Variants in FBXL17 observed in about 807,000 individuals in gnomAD.
The protein encoded by FBXL17 is F-box and leucine rich repeat protein 17.
In FBXL17, 22 loss-of-function variants were observed where a neutral mutation model predicts 66.2. The observed-to-expected ratio is 0.33, with a 90% CI of 0.24 to 0.47. The LOEUF is 0.47. Ranked by LOEUF, FBXL17 falls within the 20% of genes least tolerant of loss-of-function variation. The pLI is 1.00. For missense variants in FBXL17, 878 were observed against 948.2 expected, an observed-to-expected ratio of 0.93 and a Z score of 0.97; for synonymous variants, 474 against 400.5, an observed-to-expected ratio of 1.18 and a Z score of -2.19.
At position 108,381,882 on chromosome 5, in the gene FBXL17, C is replaced by T. The variant is rs1327413307; in HGVS notation, c.-191G>A. The T allele has an allele frequency of 3.1e-6, 4 of 1,289,082 alleles. No individual in the cohort carries two copies. Among genetic ancestry groups the T allele is most frequent in the Non-Finnish European group, 3.9e-6 (4 of 1,018,664 alleles). The allele number at this position is 1,289,082 out of a possible 1,614,324, so 79.9% of individuals were successfully genotyped here. A position where few individuals can be genotyped will look rare whatever the true frequency, so the allele number is the denominator to read the frequency against. ...GTCAGCTGCGGGCCGCCGGAGTGCC[C>T]GACGGGGGCTACATGCTTTGCCCAG... On this transcript the variant is annotated 5_prime_UTR_variant, in exon 1 of 9. Transcript: ENST00000542267.
intron 6 of FBXL17, among the ~76,000 whole-genome samples, chr5:108,128,544 T>C (rs1165626359): frequency 6.6e-6 from 1 of 152,136 alleles, no homozygotes; most frequent in Non-Finnish European, 1.5e-5. Context: ...TTATTATAAC[T>C]TGTCCTGGGG....
chr5:108,223,987 T>C, intron 5 of FBXL17, 134 bp downstream of exon 5: 1 of 374,586 alleles, frequency 2.7e-6, no homozygotes, highest in Non-Finnish European at 4.9e-6. Context: ...CTTCAACTCA[T>C]TTTAACTTTT....
At chr5:108,105,082 C>G (rs536090752) in intron 6 of FBXL17, among the ~76,000 whole-genome samples, 10 of 152,284 alleles carry the variant, frequency 6.6e-5, no homozygotes, top group Admixed American at 3.9e-4. Flanking sequence ...ACCTTGTGAT[C>G]CGCCCGCCTC....
At chr5:108,136,900 A>G (rs967015727) in intron 6 of FBXL17, among the ~76,000 whole-genome samples, 1 of 152,170 alleles carries the variant, frequency 6.6e-6, no homozygotes, top group Non-Finnish European at 1.5e-5. Flanking sequence ...TTGAAACCAG[A>G]TTTTAACTTA....
chr5:108,290,259 G>A (rs1580753721), intron 4 of FBXL17, among the ~76,000 whole-genome samples: 1 of 152,224 alleles, frequency 6.6e-6, no homozygotes, highest in East Asian at 1.9e-4. Flanking sequence ...CAATAGCAAA[G>A]GCACACAATA....
At chr5:107,960,814 T>C (rs1029492878) in intron 7 of FBXL17, among the ~76,000 whole-genome samples, 1 of 152,212 alleles carries the variant, frequency 6.6e-6, no homozygotes, top group African/African-American at 2.4e-5. Context: ...TGCCTTTTCC[T>C]TCATGCCAGG....
intron 6 of FBXL17, among the ~76,000 whole-genome samples, chr5:108,062,552 G>A (rs1747963884): frequency 6.6e-6 from 1 of 152,068 alleles, no homozygotes; most frequent in Admixed American, 6.6e-5. Context: ...ACCAACAATT[G>A]TAGCTGGGAG....
chr5:107,904,728 A>C (rs1359768257), intron 7 of FBXL17, among the ~76,000 whole-genome samples: 2 of 152,200 alleles, frequency 1.3e-5, no homozygotes, highest in Admixed American at 6.5e-5. Flanking sequence ...AACAAAACCC[A>C]AAAATATATT....
chr5:108,181,295 C>T (rs982293162), intron 6 of FBXL17, among the ~76,000 whole-genome samples: 2 of 152,126 alleles, frequency 1.3e-5, no homozygotes, highest in Non-Finnish European at 2.9e-5. Context: ...ATTTAAATCA[C>T]TGATAGAAAT....
intron 4 of FBXL17, among the ~76,000 whole-genome samples, chr5:108,333,597 G>A (rs1760237025): frequency 6.6e-6 from 1 of 151,968 alleles, no homozygotes; most frequent in Non-Finnish European, 1.5e-5. Context: ...TGCTCTTAAT[G>A]TAAAGAAAAA....
At chr5:107,929,047 T>A (rs1321730510) in intron 7 of FBXL17, among the ~76,000 whole-genome samples, 1 of 152,104 alleles carries the variant, frequency 6.6e-6, no homozygotes, top group Admixed American at 6.6e-5. Flanking sequence ...CATAGTTCAG[T>A]AGAGGGGAAA....
At chr5:108,161,143 ATAAT>A (rs1752196640) in intron 6 of FBXL17, among the ~76,000 whole-genome samples, 1 of 134,248 alleles carries the variant, frequency 7.4e-6, no homozygotes, top group South Asian at 3.0e-4. Context: ...CATGTTGGGA[ATAAT>A]TAATCAACAA....
At chr5:108,258,118 T>C (rs1009605996) in intron 4 of FBXL17, among the ~76,000 whole-genome samples, 3 of 152,144 alleles carry the variant, frequency 2.0e-5, no homozygotes, top group African/African-American at 4.8e-5. Flanking sequence ...CCAGACTGTA[T>C]CTGGAGATAG....
intron 6 of FBXL17, among the ~76,000 whole-genome samples, chr5:108,165,834 T>C (rs1752395537): frequency 6.6e-6 from 1 of 152,234 alleles, no homozygotes; most frequent in South Asian, 2.1e-4. Flanking sequence ...ATTAATCTGC[T>C]GCTTATTAAT....
intron 2 of FBXL17, among the ~76,000 whole-genome samples, chr5:108,365,343 G>A (rs1748596499): frequency 6.6e-6 from 1 of 151,992 alleles, no homozygotes; most frequent in African/African-American, 2.4e-5. Context: ...TCAGAATGGG[G>A]GCTGGTTACC....
chr5:108,026,557 A>G (rs1451441205), intron 6 of FBXL17, among the ~76,000 whole-genome samples: 1 of 152,220 alleles, frequency 6.6e-6, no homozygotes, highest in Non-Finnish European at 1.5e-5. Context: ...TTGACTTGCA[A>G]TTAACATGCG....
At chr5:108,046,121 T>C (rs1290224207) in intron 6 of FBXL17, among the ~76,000 whole-genome samples, 2 of 152,238 alleles carry the variant, frequency 1.3e-5, no homozygotes, top group African/African-American at 2.4e-5. Context: ...TTGCTTCACA[T>C]ATTTTCCTGC....
At chr5:108,170,006 A>T (rs1752547241) in intron 6 of FBXL17, among the ~76,000 whole-genome samples, 2 of 152,198 alleles carry the variant, frequency 1.3e-5, no homozygotes, top group East Asian at 1.9e-4. Context: ...AATTAAAACT[A>T]AAAGAAAAAA....
chr5:108,361,172 T>A (rs1257162428), intron 3 of FBXL17, among the ~76,000 whole-genome samples: 1 of 152,138 alleles, frequency 6.6e-6, no homozygotes, highest in African/African-American at 2.4e-5. Flanking sequence ...AATTTATTGT[T>A]GAAAACTAAA....
Sources: gnomAD v4.1 joint callset for allele counts (sites outside exome capture counted in the v4.1 genomes callset) on GRCh38, gnomAD v4.1.1 for gene constraint, MANE v1.5 for transcripts, NCBI Gene and HGNC (gene_info 2026-07-23, HGNC 2026-07-21) for gene names.